Variants in NCAM2 observed in about 807,000 individuals in gnomAD.
The protein encoded by NCAM2 is N-CAM-2.
In NCAM2, 30 loss-of-function variants were observed where a neutral mutation model predicts 98.1. The ratio of observed to expected loss-of-function variants is 0.31; its 90% CI spans 0.23 to 0.41. The LOEUF (loss-of-function observed/expected upper bound fraction) is 0.41. NCAM2 is among the 10% of genes least tolerant of loss of function. The pLI, the probability that NCAM2 is intolerant of heterozygous loss-of-function variation, is 1.00. For missense variants in NCAM2, 867 were observed against 1,005.8 expected (o/e 0.86, Z 1.87); for synonymous variants, 368 against 342.4 (o/e 1.07, Z -0.83).
intron 1 of NCAM2, among the ~76,000 whole-genome samples, chr21:21,026,205 A>G (rs1055101916): frequency 1.3e-5 from 2 of 152,162 alleles, no homozygotes; most frequent in South Asian, 4.1e-4. Flanking sequence ...ATTGTGGTAA[A>G]GGTTAATAAA....
chr21:21,430,010 C>T (rs2077296308), intron 11 of NCAM2, among the ~76,000 whole-genome samples: 1 of 151,874 alleles, frequency 6.6e-6, no homozygotes, highest in Non-Finnish European at 1.5e-5. Flanking sequence ...CTTTTGACTG[C>T]CATATGAGAT....
chr21:21,431,123 T>TGTGTGTGTGTGTGTGTGTGTGTG (rs2077332482), intron 11 of NCAM2, among the ~76,000 whole-genome samples: 2 of 141,172 alleles, frequency 1.4e-5, no homozygotes, highest in Admixed American at 7.3e-5. Flanking sequence ...TAATATATGT[T>TGTGTGTGTGTGTGTGTGTGTGTG]TGTGTGTGTG....
intron 12 of NCAM2, among the ~76,000 whole-genome samples, chr21:21,463,272 C>G (rs185483617): frequency 1.2e-4 from 18 of 152,052 alleles, no homozygotes; most frequent in Non-Finnish European, 2.6e-4. Flanking sequence ...TTTGCCTCCT[C>G]CAAATCTTTT....
intron 1 of NCAM2, among the ~76,000 whole-genome samples, chr21:21,066,205 T>G (rs1601257018): frequency 6.6e-6 from 1 of 152,360 alleles, no homozygotes; most frequent in African/African-American, 2.4e-5. Context: ...AATTTATCAT[T>G]TTCTTACAAA....
At chr21:21,052,484 G>A (rs758622381) in intron 1 of NCAM2, among the ~76,000 whole-genome samples, 3 of 151,762 alleles carry the variant, frequency 2.0e-5, no homozygotes, top group Non-Finnish European at 4.4e-5. Context: ...TCTATTTCAG[G>A]TGTGACTTCT....
At chr21:21,247,748 C>A (rs964957265) in intron 1 of NCAM2, among the ~76,000 whole-genome samples, 16 of 152,032 alleles carry the variant, frequency 1.1e-4, no homozygotes, top group African/African-American at 3.1e-4. Flanking sequence ...TTTTATTGTC[C>A]AGTACATACT....
intron 5 of NCAM2, among the ~76,000 whole-genome samples, chr21:21,311,717 A>T: frequency 6.6e-6 from 1 of 152,158 alleles, no homozygotes; most frequent in East Asian, 1.9e-4. Flanking sequence ...ACATTCAGAT[A>T]TCATACATAA....
intron 1 of NCAM2, among the ~76,000 whole-genome samples, chr21:21,135,079 CAAA>C (rs34541675): frequency 4.3e-5 from 6 of 139,574 alleles, no homozygotes; most frequent in Admixed American, 1.5e-4. Flanking sequence ...ACTAAAAATA[CAAA>C]AAAAAAAAAA....
chr21:21,536,701 T>G (rs757377886), intron 17 of NCAM2, among the ~76,000 whole-genome samples: 1 of 152,134 alleles, frequency 6.6e-6, no homozygotes, highest in Non-Finnish European at 1.5e-5. Flanking sequence ...GGAATACTAT[T>G]TCTAACTTAA....
At chr21:21,262,452 AAAATATTC>A (rs1182709870) in intron 1 of NCAM2, among the ~76,000 whole-genome samples, 1 of 152,150 alleles carries the variant, frequency 6.6e-6, no homozygotes, top group Non-Finnish European at 1.5e-5. Flanking sequence ...TATAGATGCA[AAAATATTC>A]AACAAAATAC....
At chr21:21,228,145 A>G (rs1160934175) in intron 1 of NCAM2, among the ~76,000 whole-genome samples, 1 of 151,618 alleles carries the variant, frequency 6.6e-6, no homozygotes, top group African/African-American at 2.4e-5. Context: ...GAATTTATAG[A>G]AAATGAAAAC....
intron 1 of NCAM2, among the ~76,000 whole-genome samples, chr21:21,082,043 C>T (rs8131894): frequency 0.34 from 51,204 of 150,568 alleles, 10,737 homozygotes; most frequent in African/African-American, 0.6. Context: ...GCCTGACCAA[C>T]AAGATGAAAC....
At chr21:21,399,310 T>C (rs960765255) in intron 9 of NCAM2, among the ~76,000 whole-genome samples, 6 of 152,242 alleles carry the variant, frequency 3.9e-5, no homozygotes, top group Non-Finnish European at 8.8e-5. Context: ...GAGTTAGTTA[T>C]GACAGTTCTT....
At chr21:21,049,649 A>G (rs1359442266) in intron 1 of NCAM2, among the ~76,000 whole-genome samples, 2 of 152,148 alleles carry the variant, frequency 1.3e-5, no homozygotes, top group Non-Finnish European at 1.5e-5. Flanking sequence ...AGGTGGGCAG[A>G]TTACCTGAGG....
rs1045323730 is a variant in NCAM2, at chr21:21,540,740, A to C, written c.*2783A>C. 7 of 152,028 alleles carry C rather than the reference A, an allele frequency of 4.6e-5. No individual in the cohort carries two copies. The highest frequency in any genetic ancestry group is 1.0e-4 in the Non-Finnish European group (7 of 67,912). 9.4% of individuals were successfully genotyped at this position (152,028 alleles called of 1,614,324 possible). A position where few individuals can be genotyped will look rare whatever the true frequency, so the allele number is the denominator to read the frequency against. The stretch of plus-strand genomic sequence containing the variant: ...AATAATTTGAACCCTATGATATTTT[A>C]AACCAAGAGGCAAAGATATCACCTA... On this transcript the variant is annotated 3_prime_UTR_variant, in exon 18 of 18. Coordinates refer to ENST00000400546, the MANE Select transcript of NCAM2 (RefSeq NM_004540.5).
chr21:21,302,402 C>G (rs180856976), intron 5 of NCAM2, among the ~76,000 whole-genome samples: 4 of 151,976 alleles, frequency 2.6e-5, no homozygotes, highest in Admixed American at 2.0e-4. Context: ...TTTTTTTGGC[C>G]TTGTTGAAGC....
chr21:21,301,646 T>C (rs989119878), intron 5 of NCAM2, among the ~76,000 whole-genome samples: 12 of 145,382 alleles, frequency 8.3e-5, no homozygotes, highest in African/African-American at 3.1e-4. Context: ...TTTGGTTTTT[T>C]GTTCTTGCGA....
intron 1 of NCAM2, among the ~76,000 whole-genome samples, chr21:21,054,050 A>G (rs2146304646): frequency 6.6e-6 from 1 of 152,020 alleles, no homozygotes; most frequent in South Asian, 2.1e-4. Flanking sequence ...ACTCCATACC[A>G]ACATCCAAAA....
intron 9 of NCAM2, among the ~76,000 whole-genome samples, chr21:21,400,754 T>C (rs972828231): frequency 6.6e-6 from 1 of 152,116 alleles, no homozygotes; most frequent in Non-Finnish European, 1.5e-5. Flanking sequence ...AACATATGCG[T>C]ATCAATGCCT....
Sources: allele counts gnomAD v4.1 joint callset (sites outside exome capture counted in the v4.1 genomes callset), GRCh38; gene constraint gnomAD v4.1.1; transcripts MANE v1.5; gene names NCBI Gene and HGNC (gene_info 2026-07-23, HGNC 2026-07-21).